ZNF112: variants seen among roughly 807,000 people sequenced by gnomAD.
ZNF112 encodes the protein zinc finger protein 112 (Y14).
In ZNF112, 37 loss-of-function variants were observed where a neutral mutation model predicts 77.7. The observed-to-expected ratio is 0.48, with a 90% CI of 0.37 to 0.63. The LOEUF (loss-of-function observed/expected upper bound fraction) is 0.63. Ranked by LOEUF, ZNF112 falls within the 20% of genes least tolerant of loss-of-function variation. ZNF112 has a pLI of 0.00. For synonymous variants in ZNF112, 333 were observed against 363.6 expected (o/e 0.92, Z 0.96); for missense variants, 950 against 1,077.4 (o/e 0.88, Z 1.66).
Position 44,336,647 on chromosome 19 carries a change from C to T in ZNF112, c.196G>A (p.Glu66Lys). Reference sequence around the variant, plus strand: ...CCTGAACATCCATCTCTTGGGGTTTCTGTCTCCACCATCAAAAGCTTTTCT... The same window carrying T: ...CCTGAACATCCATCTCTTGGGGTTTTTGTCTCCACCATCAAAAGCTTTTCT... ...REEKLLMVETETPRDGCSGRK... is the reference protein window; with the variant it reads ...REEKLLMVETKTPRDGCSGRK... The change falls in exon 3 of 4, where the codon GAA (glutamate) becomes AAA (lysine). Residue 66 changes from glutamate to lysine, a missense_variant. Physicochemically the swap from Glu to Lys is moderately conservative, Grantham distance 56 (BLOSUM62 1). Around this residue, in one of 3 missense-constraint regions of ZNF112, gnomAD observed 560 missense variants for 557.3 expected, o/e 1.00. Coordinates refer to ENST00000354340, the MANE Select transcript of ZNF112 (RefSeq NM_013380.4). 1.9e-6 allele frequency: 3 copies of T among 1,614,024 alleles called. No homozygotes were observed. Among genetic ancestry groups the T allele is most frequent in the Non-Finnish European group, 2.5e-6 (3 of 1,179,936 alleles).
chr19:44,343,054 T>C (rs1289407824), intron 1 of ZNF112, among the ~76,000 whole-genome samples: 1 of 152,028 alleles, frequency 6.6e-6, no homozygotes, highest in East Asian at 1.9e-4. Context: ...CTATTATTTA[T>C]GAAATAAATA....
rs1371426167 is a variant in ZNF112, at chr19:44,356,631, T to C, written c.-9A>G. On this transcript the variant is annotated 5_prime_UTR_variant, in exon 1 of 4. Transcript: ENST00000354340. Reference sequence around the variant, plus strand: ...GCAGGGCGGGGAGCGCTCACCTTTCTGGGAGGAACGAAGGCCGCGGCCTAG... The same window carrying C: ...GCAGGGCGGGGAGCGCTCACCTTTCCGGGAGGAACGAAGGCCGCGGCCTAG... 1.3e-5 allele frequency: 2 copies of C among 152,306 alleles called. No individual in the cohort carries two copies. Among genetic ancestry groups the C allele is most frequent in the African/African-American group, 4.8e-5 (2 of 41,398 alleles). 9.4% of individuals were successfully genotyped at this position (152,306 alleles called of 1,614,324 possible). A position where few individuals can be genotyped will look rare whatever the true frequency, so the allele number is the denominator to read the frequency against.
chr19:44,340,666 T>A (rs987346854), intron 1 of ZNF112, 124 bp from the exon 2 acceptor site: 1 of 1,382,580 alleles, frequency 7.2e-7, no homozygotes, highest in Admixed American at 2.2e-5. Flanking sequence ...TTCTCTTCTG[T>A]TTACCTTCTG....
At chr19:44,358,800 C>T (rs1320569726), upstream of ZNF112, among the ~76,000 whole-genome samples, 1 of 151,990 alleles carries the variant, frequency 6.6e-6, no homozygotes, top group Non-Finnish European at 1.5e-5. Flanking sequence ...ATCTCCAAAC[C>T]CACCATTCTT....
intron 3 of ZNF112, among the ~76,000 whole-genome samples, chr19:44,333,639 C>T (rs914236734): frequency 4.6e-5 from 7 of 152,308 alleles, no homozygotes; most frequent in Middle Eastern, 3.4e-3. Context: ...TTCCTGCCCT[C>T]TTTCTCTTCC....
In ZNF112 at chr19:44,327,551, C is replaced by G; in HGVS notation, c.2606G>C (p.Gly869Ala). The G allele has an allele frequency of 6.2e-7, 1 of 1,613,998 alleles. No homozygotes were observed. Among genetic ancestry groups the G allele is most frequent in the Non-Finnish European group, 8.5e-7 (1 of 1,179,950 alleles). Residue 869 changes from glycine (G) to alanine (A), a missense_variant, in exon 4 of 4, where the codon GGT becomes GCT. By Grantham distance (60) the Gly-to-Ala change is moderately conservative. Coordinates refer to ENST00000354340, the MANE Select transcript of ZNF112 (RefSeq NM_013380.4). ...ATGGACTCTTTGATGAATGAGAAGA[C>G]CTGAGCTCCAACGGAAACCCTTACC... ...ACGKGFRWSSGLLIHQRVHSS... is the reference protein window; with the variant it reads ...ACGKGFRWSSALLIHQRVHSS...
chr19:44,327,575 C>T lies in ZNF112; in HGVS notation c.2582G>A (p.Gly861Asp). Residue 861 changes from glycine to aspartate, a missense_variant, in exon 4 of 4, where the codon GGT becomes GAT. By Grantham distance (94) the Gly-to-Asp change is moderately conservative (BLOSUM62 -1). Transcript: ENST00000354340. The stretch of plus-strand genomic sequence containing the variant: ...ACCTGAGCTCCAACGGAAACCCTTA[C>T]CACATGCATCACATTTGTATGGTTT... ...GEKPYKCDAC[G>D]KGFRWSSGLL... The T allele has an allele frequency of 1.9e-6, 3 of 1,614,102 alleles. No individual in the cohort carries two copies. The highest frequency in any genetic ancestry group is 2.5e-6 in the Non-Finnish European group (3 of 1,179,976).
intron 3 of ZNF112, among the ~76,000 whole-genome samples, chr19:44,333,179 G>A (rs1970301380): frequency 6.6e-6 from 1 of 152,054 alleles, no homozygotes; most frequent in South Asian, 2.1e-4. Flanking sequence ...AATAACAAAG[G>A]TGCTATATTT....
rs1970395563 is a variant in ZNF112 at position 44,337,384 on chromosome 19, A to AAAATATATATTATATATATTTTATATAT, written c.125-667_125-666insATATATAAAATATATATAATATATATTT. ...ATATTATTATATATATTTTATATATAATAATATATATAATATATATTTTAT... is the reference window on the plus strand; with the variant it reads ...ATATTATTATATATATTTTATATATAAAATATATATTATATATATTTTATATATATAATATATATAATATATATTTTAT... On this transcript the variant is annotated intron_variant, in intron 2 of 3. Transcript: ENST00000354340. Among the ~76,000 whole-genome samples the AAAATATATATTATATATATTTTATATAT allele has an allele frequency of 2.1e-4, 10 of 47,326 alleles. 1 individual carries two copies. Among genetic ancestry groups the AAAATATATATTATATATATTTTATATAT allele is most frequent in the South Asian group, 9.2e-4 (1 of 1,084 alleles). 31.0% of individuals were successfully genotyped at this position (47,326 alleles called of 152,430 possible).
At chr19:44,331,211 G>T (rs887230581) in intron 3 of ZNF112, among the ~76,000 whole-genome samples, 1 of 151,958 alleles carries the variant, frequency 6.6e-6, no homozygotes, top group Admixed American at 6.6e-5. Flanking sequence ...GAAAGACTGT[G>T]ACAGAATTCA....
intron 1 of ZNF112, among the ~76,000 whole-genome samples, chr19:44,351,445 T>C (rs1438833627): frequency 6.6e-6 from 1 of 152,128 alleles, no homozygotes; most frequent in African/African-American, 2.4e-5. Flanking sequence ...ATAGGACCTA[T>C]TTGTTTAAAA....
At chr19:44,337,753 TG>T (rs1165411955) in intron 2 of ZNF112, among the ~76,000 whole-genome samples, 1 of 151,348 alleles carries the variant, frequency 6.6e-6, no homozygotes, top group Non-Finnish European at 1.5e-5. Flanking sequence ...ATAATTGTAA[TG>T]AACATTTCTT....
intron 3 of ZNF112, 66 bp downstream of exon 3, chr19:44,336,557 A>G (rs1358837280): frequency 7.6e-7 from 1 of 1,321,398 alleles, no homozygotes; most frequent in Admixed American, 1.7e-5. Flanking sequence ...CAGAGAAGTG[A>G]TGTGTTCTGA....
intron 1 of ZNF112, among the ~76,000 whole-genome samples, chr19:44,363,360 T>C (rs1232626981): frequency 6.6e-6 from 1 of 152,214 alleles, no homozygotes; most frequent in African/African-American, 2.4e-5. Context: ...TAGCAACATT[T>C]ATGTCTTAGC....
Position 44,329,697 on chromosome 19 carries a change from T to C in ZNF112, c.460A>G (p.Thr154Ala). 1 of 1,613,980 alleles carries C rather than the reference T, an allele frequency of 6.2e-7. No homozygotes were observed. Among genetic ancestry groups the C allele is most frequent in the Non-Finnish European group, 8.5e-7 (1 of 1,179,962 alleles). Residue 154 changes from threonine (T) to alanine (A), a missense_variant, in exon 4 of 4, where the codon ACT becomes GCT. Thr to Ala is a moderately conservative substitution (Grantham distance 58). Around this residue, in one of 3 missense-constraint regions of ZNF112, gnomAD observed 560 missense variants for 557.3 expected, o/e 1.00. Coordinates refer to ENST00000354340, the MANE Select transcript of ZNF112 (RefSeq NM_013380.4). ...TAATTGGAGCCATTCCCTATATGAGTGAATATATAGTTCTTATCTTCAGAA... is the reference window on the plus strand; with the variant it reads ...TAATTGGAGCCATTCCCTATATGAGCGAATATATAGTTCTTATCTTCAGAA... ...QISEDKNYIF[T>A]HIGNGSNYIK... is the part of the protein sequence containing the mutation.
chr19:44,359,790 T>C (rs1435808579), upstream of ZNF112, among the ~76,000 whole-genome samples: 2 of 152,152 alleles, frequency 1.3e-5, no homozygotes, highest in African/African-American at 2.4e-5. Flanking sequence ...TAAAAGACTG[T>C]GGCATTGAAA....
intron 1 of ZNF112, among the ~76,000 whole-genome samples, chr19:44,340,801 T>C (rs1970475725): frequency 1.3e-5 from 2 of 152,350 alleles, no homozygotes; most frequent in South Asian, 4.1e-4. Flanking sequence ...GTTACCAATA[T>C]TTTAAATTGT....
At chr19:44,342,748 G>A (rs1970513387) in intron 1 of ZNF112, among the ~76,000 whole-genome samples, 1 of 151,790 alleles carries the variant, frequency 6.6e-6, no homozygotes, top group African/African-American at 2.4e-5. Flanking sequence ...CCAGGAGGTG[G>A]AGGGTGCAGT....
intron 1 of ZNF112, among the ~76,000 whole-genome samples, chr19:44,347,731 C>T (rs12972154): frequency 1.2e-4 from 18 of 152,048 alleles, no homozygotes; most frequent in African/African-American, 4.3e-4. Flanking sequence ...ACAAAAACCT[C>T]TAGCCAAGAA....
Sources: allele counts gnomAD v4.1 joint callset (sites outside exome capture counted in the v4.1 genomes callset), GRCh38; gene constraint gnomAD v4.1.1; regional missense constraint gnomAD v4.1.1; transcripts MANE v1.5; gene names NCBI Gene and HGNC (gene_info 2026-07-23, HGNC 2026-07-21).